UTS2: variants seen among roughly 807,000 people sequenced by gnomAD.
UTS2 encodes the protein urotensin 2, also known as urotensin-2.
UTS2 carries 10 observed loss-of-function variants against 12.6 expected under a neutral mutation model. That is an observed-to-expected ratio of 0.80 (90% CI 0.49 to 1.35). UTS2 has a LOEUF of 1.35. Ranked by LOEUF, UTS2 falls within the 40% of genes most tolerant of loss-of-function variation. The pLI, the probability that UTS2 is intolerant of heterozygous loss-of-function variation, is 0.00. For synonymous variants in UTS2, 52 were observed against 50.0 expected (o/e 1.04, Z -0.17); for missense variants, 142 against 143.2 (o/e 0.99, Z 0.04).
At position 7,850,027 on chromosome 1, in the gene UTS2, T is replaced by C. The variant is rs188160395; in HGVS notation, c.215-344A>G. Among the ~76,000 whole-genome samples the C allele has an allele frequency of 6.5e-3, 978 of 150,856 alleles. 18 individuals carry two copies. The highest frequency in any genetic ancestry group is 4.8e-3 in the Non-Finnish European group (327 of 67,824). ...CTCTGTTGCCCAGGCTGGAGTGCAG[T>C]GGTGAGATCTTGGCTCACCACAACC... On this transcript the variant is annotated intron_variant, in intron 2 of 3. Transcript: ENST00000361696.
At position 7,847,885 on chromosome 1, in the gene UTS2, A is replaced by G. The variant is rs751004737; in HGVS notation, c.259-3T>C. Reference sequence around the variant, plus strand: ...TCTTGTCCAGAGAAATCCTGAAACTAAAACAATCCAAACGAACAACAACAA... The same window carrying G: ...TCTTGTCCAGAGAAATCCTGAAACTGAAACAATCCAAACGAACAACAACAA... On this transcript the variant is annotated splice_polypyrimidine_tract_variant and splice_region_variant and intron_variant, in intron 3 of 3. Transcript: ENST00000361696. 2.5e-6 allele frequency: 4 copies of G among 1,589,266 alleles called. No individual in the cohort carries two copies. The highest frequency in any genetic ancestry group is 2.6e-6 in the Non-Finnish European group (3 of 1,163,760).
chr1:7,874,017 G>A, the UTS2 span, among the ~76,000 whole-genome samples: 27 of 152,110 alleles, frequency 1.8e-4, no homozygotes, highest in Admixed American at 1.1e-3. Flanking sequence ...GACTCAAACA[G>A]CAAATGAATA....
the UTS2 span, among the ~76,000 whole-genome samples, chr1:7,886,760 A>G: frequency 1.5e-4 from 23 of 152,052 alleles, no homozygotes; most frequent in Non-Finnish European, 1.3e-4. Flanking sequence ...TCAGAGGGGG[A>G]AAAAAAGCTC....
chr1:7,868,712 C>T, the UTS2 span, among the ~76,000 whole-genome samples: 1 of 152,232 alleles, frequency 6.6e-6, no homozygotes, highest in Non-Finnish European at 1.5e-5. Context: ...GAAGGTGTCC[C>T]AGGGCTCTGT....
upstream of UTS2, among the ~76,000 whole-genome samples, chr1:7,854,344 A>G (rs1314371151): frequency 1.5e-5 from 1 of 65,462 alleles, no homozygotes; most frequent in East Asian, 3.2e-4. Flanking sequence ...ACTCTGTCTA[A>G]AAAAAAAAAA....
At chr1:7,870,432 C>CA in the UTS2 span, among the ~76,000 whole-genome samples, 1 of 152,218 alleles carries the variant, frequency 6.6e-6, no homozygotes, top group Non-Finnish European at 1.5e-5. Flanking sequence ...TGAAGCCTCT[C>CA]AGTCGGTTAG....
chr1:7,885,705 A>T, the UTS2 span, among the ~76,000 whole-genome samples: 1 of 151,918 alleles, frequency 6.6e-6, no homozygotes, highest in Non-Finnish European at 1.5e-5. Context: ...GGCGGGGCCA[A>T]GGAGTGGGCG....
chr1:7,893,245 G>C, the UTS2 span, among the ~76,000 whole-genome samples: 1 of 152,232 alleles, frequency 6.6e-6, no homozygotes, highest in East Asian at 1.9e-4. Context: ...GGGCGCAGTG[G>C]CTCACGCCTG....
chr1:7,880,730 C>G, the UTS2 span, among the ~76,000 whole-genome samples: 2 of 152,160 alleles, frequency 1.3e-5, no homozygotes, highest in Non-Finnish European at 2.9e-5. Flanking sequence ...ACCAAACTTA[C>G]AAAGAACTAA....
chr1:7,876,813 T>C, the UTS2 span, among the ~76,000 whole-genome samples: 2 of 147,690 alleles, frequency 1.4e-5, no homozygotes, highest in Non-Finnish European at 3.0e-5. Flanking sequence ...AAGCAACTGT[T>C]GTACCAAATG....
At chr1:7,903,275 C>T in the UTS2 span, among the ~76,000 whole-genome samples, 1 of 14,072 alleles carries the variant, frequency 7.1e-5, no homozygotes, top group Non-Finnish European at 1.0e-4. Flanking sequence ...CTCCTGCTTC[C>T]CCTCCTTCCC....
At chr1:7,901,722 C>T in the UTS2 span, among the ~76,000 whole-genome samples, 62 of 151,882 alleles carry the variant, frequency 4.1e-4, no homozygotes, top group African/African-American at 1.4e-3. Context: ...AAACGGACTT[C>T]GTGTGAGGAA....
chr1:7,858,563 T>A, the UTS2 span, among the ~76,000 whole-genome samples: 1 of 152,192 alleles, frequency 6.6e-6, no homozygotes, highest in South Asian at 2.1e-4. Flanking sequence ...TTGTATAATA[T>A]GCTCATAACT....
At chr1:7,877,347 A>G in the UTS2 span, among the ~76,000 whole-genome samples, 4,129 of 152,256 alleles carry the variant, frequency 0.027, 164 homozygotes, top group East Asian at 0.13. Flanking sequence ...CAATGCAAAG[A>G]AATCAGAGAA....
chr1:7,864,933 A>G, the UTS2 span, among the ~76,000 whole-genome samples: 1 of 72,396 alleles, frequency 1.4e-5, no homozygotes, highest in Non-Finnish European at 3.1e-5. Flanking sequence ...TGTCTGTCCG[A>G]TACCATCTTC....
the UTS2 span, among the ~76,000 whole-genome samples, chr1:7,888,524 C>G: frequency 6.6e-6 from 1 of 152,298 alleles, no homozygotes; most frequent in Non-Finnish European, 1.5e-5. Flanking sequence ...ATTCCTTCTC[C>G]CTTTTCAGTG....
chr1:7,903,988 G>A, the UTS2 span, among the ~76,000 whole-genome samples: 118 of 152,304 alleles, frequency 7.7e-4, 1 homozygote, highest in East Asian at 0.022. Flanking sequence ...AGGGTTAGGC[G>A]AAAGAAGTTT....
chr1:7,862,161 C>T, the UTS2 span, among the ~76,000 whole-genome samples: 1 of 151,854 alleles, frequency 6.6e-6, no homozygotes. Flanking sequence ...GATTCCCCCC[C>T]CGCCCCCGCA....
At chr1:7,896,501 G>A in the UTS2 span, among the ~76,000 whole-genome samples, 1 of 152,048 alleles carries the variant, frequency 6.6e-6, no homozygotes, top group African/African-American at 2.4e-5. Flanking sequence ...AGTGGAAAAT[G>A]AAATGTTCCT....
Sources: gnomAD v4.1 joint callset for allele counts (sites outside exome capture counted in the v4.1 genomes callset) on GRCh38, gnomAD v4.1.1 for gene constraint, MANE v1.5 for transcripts, NCBI Gene and HGNC (gene_info 2026-07-23, HGNC 2026-07-21) for gene names.